NR3C1: variants seen among roughly 807,000 people sequenced by gnomAD.
NR3C1 encodes the protein nuclear receptor subfamily 3 group C member 1, also known as glucocorticoid receptor.
Under a neutral mutation model 74.0 loss-of-function variants are expected in NR3C1, and 14 were observed. The observed-to-expected ratio is 0.19, with a 90% CI of 0.12 to 0.30. The LOEUF is 0.30. NR3C1 is among the 10% of genes least tolerant of loss of function. The pLI is 1.00. For synonymous variants in NR3C1, 308 were observed against 332.5 expected, an observed-to-expected ratio of 0.93 and a Z score of 0.80; for missense variants, 695 against 909.8, an observed-to-expected ratio of 0.76 and a Z score of 3.04.
At chr5:143,417,132 T>C (rs1368043087) in intron 1 of NR3C1, among the ~76,000 whole-genome samples, 1 of 152,304 alleles carries the variant, frequency 6.6e-6, no homozygotes, top group Admixed American at 6.5e-5. Context: ...GTAGATTTGG[T>C]AATATATTAA....
intron 2 of NR3C1, among the ~76,000 whole-genome samples, chr5:143,332,115 A>G (rs1826081084): frequency 6.6e-6 from 1 of 152,214 alleles, no homozygotes; most frequent in Non-Finnish European, 1.5e-5. Flanking sequence ...ATTAATTTGT[A>G]GCATAAATAG....
At chr5:143,402,632 T>C in intron 1 of NR3C1, 1 of 985,510 alleles carries the variant, frequency 1.0e-6, no homozygotes, top group Non-Finnish European at 1.2e-6. Context: ...CACGCCCACT[T>C]CTAACAGATA....
At chr5:143,383,620 A>G (rs1836656479) in intron 2 of NR3C1, among the ~76,000 whole-genome samples, 2 of 152,210 alleles carry the variant, frequency 1.3e-5, no homozygotes, top group African/African-American at 2.4e-5. Flanking sequence ...AGCATACAAA[A>G]TAAGTGGCAC....
At chr5:143,384,379 T>A (rs1836798767) in intron 2 of NR3C1, among the ~76,000 whole-genome samples, 1 of 152,120 alleles carries the variant, frequency 6.6e-6, no homozygotes, top group Admixed American at 6.6e-5. Context: ...TTCTCAATAG[T>A]CCCCGGAAGT....
At chr5:143,375,810 T>C (rs1003464505) in intron 2 of NR3C1, 2 of 152,216 alleles carry the variant, frequency 1.3e-5, no homozygotes, top group Non-Finnish European at 2.9e-5. Context: ...TAAGGGTTAA[T>C]GTATAAAGTA....
Position 143,358,493 on chromosome 5 carries a change from T to C in NR3C1, c.1184+41163A>G, listed in dbSNP as rs544532073. Among the ~76,000 whole-genome samples the C allele has an allele frequency of 4.6e-5, 7 of 152,346 alleles. No individual in the cohort carries two copies. The South Asian group carries it at 6.2e-4, about 14-fold the overall frequency. ...GGAGAGAATTATATTGTGTAAATAT[T>C]AGCAAAGAATTCCAAACATAAGAGC... On this transcript the variant is annotated intron_variant, in intron 2 of 8. Coordinates refer to ENST00000394464, the MANE Select transcript of NR3C1 (RefSeq NM_000176.3).
chr5:143,419,710 G>A (rs1023988665), intron 1 of NR3C1, among the ~76,000 whole-genome samples: 3 of 152,174 alleles, frequency 2.0e-5, no homozygotes, highest in African/African-American at 7.2e-5. Context: ...AATGGAGGCA[G>A]GGCGAAATCA....
At chr5:143,354,756 C>T (rs1435440208) in intron 2 of NR3C1, among the ~76,000 whole-genome samples, 1 of 151,946 alleles carries the variant, frequency 6.6e-6, no homozygotes, top group Non-Finnish European at 1.5e-5. Context: ...ATCCCCATCT[C>T]TACTAAAAAT....
At chr5:143,335,616 G>A (rs1406974271) in intron 2 of NR3C1, among the ~76,000 whole-genome samples, 1 of 151,948 alleles carries the variant, frequency 6.6e-6, no homozygotes, top group Non-Finnish European at 1.5e-5. Flanking sequence ...TTTATTTTGG[G>A]GATAACAATA....
intron 2 of NR3C1, among the ~76,000 whole-genome samples, chr5:143,385,335 AC>A (rs1837001431): frequency 6.6e-6 from 1 of 151,912 alleles, no homozygotes. Context: ...ACATTAGGCT[AC>A]TCTTCATCTA....
chr5:143,357,281 T>A (rs1413985433), intron 2 of NR3C1, among the ~76,000 whole-genome samples: 2 of 152,188 alleles, frequency 1.3e-5, no homozygotes, highest in African/African-American at 4.8e-5. Context: ...ACAGGGAAAG[T>A]TACATTTTTT....
At chr5:143,407,033 C>T (rs2151953468), upstream of NR3C1, 1 of 152,254 alleles carries the variant, frequency 6.6e-6, no homozygotes, top group African/African-American at 2.4e-5. Flanking sequence ...ACCCTGGGAA[C>T]TTATAATTAC....
chr5:143,409,496 CCACA>C (rs1465261831), intron 1 of NR3C1, among the ~76,000 whole-genome samples: 2 of 152,008 alleles, frequency 1.3e-5, no homozygotes, highest in African/African-American at 2.4e-5. Context: ...CATGTTAAGC[CCACA>C]CAAACAGCTT....
chr5:143,334,471 T>C (rs1358384055), intron 2 of NR3C1, among the ~76,000 whole-genome samples: 1 of 152,184 alleles, frequency 6.6e-6, no homozygotes, highest in Non-Finnish European at 1.5e-5. Context: ...TTTTCTACAT[T>C]GGGTGCTGTG....
chr5:143,309,994 C>G, intron 4 of NR3C1, 103 bp downstream of exon 4: 1 of 881,464 alleles, frequency 1.1e-6, no homozygotes, highest in Non-Finnish European at 1.9e-6. Flanking sequence ...ATATACTGAA[C>G]TGACTACATT....
intron 2 of NR3C1, among the ~76,000 whole-genome samples, chr5:143,375,345 C>T (rs1007604509): frequency 1.3e-5 from 2 of 152,096 alleles, no homozygotes; most frequent in African/African-American, 4.8e-5. Context: ...TATGTACACT[C>T]GTACAAAGAT....
intron 1 of NR3C1, among the ~76,000 whole-genome samples, chr5:143,427,569 G>A (rs1751597660): frequency 6.6e-6 from 1 of 152,194 alleles, no homozygotes; most frequent in South Asian, 2.1e-4. Context: ...GCCGTAGCCA[G>A]TGTTGTAAAC....
At chr5:143,285,401 C>A (rs1599667196) in intron 7 of NR3C1, among the ~76,000 whole-genome samples, 2 of 152,258 alleles carry the variant, frequency 1.3e-5, no homozygotes, top group East Asian at 3.9e-4. Context: ...ATTATAAACA[C>A]CTTTGTCTCA....
intron 2 of NR3C1, among the ~76,000 whole-genome samples, chr5:143,344,892 C>A (rs531510848): frequency 6.6e-6 from 1 of 151,800 alleles, no homozygotes; most frequent in East Asian, 1.9e-4. Flanking sequence ...CCTCACCCCC[C>A]ACAAAAAAAA....
Sources: allele counts gnomAD v4.1 joint callset (sites outside exome capture counted in the v4.1 genomes callset), GRCh38; gene constraint gnomAD v4.1.1; transcripts MANE v1.5; gene names NCBI Gene and HGNC (gene_info 2026-07-23, HGNC 2026-07-21).